The following DYNC2H1 variants were observed in gnomAD, a reference collection of about 807,000 sequenced individuals.
DYNC2H1 encodes the protein cytoplasmic dynein 2 heavy chain 1.
Under a neutral mutation model 570.0 loss-of-function variants are expected in DYNC2H1, and 410 were observed. That is an observed-to-expected ratio of 0.72 (90% confidence interval 0.66 to 0.78). The LOEUF (loss-of-function observed/expected upper bound fraction) is 0.78. Among genes scored for constraint, DYNC2H1 ranks in the 30% least tolerant of loss-of-function variants. The pLI is 0.00. For missense variants in DYNC2H1, 4,865 were observed against 5,046.4 expected, an observed-to-expected ratio of 0.96 and a Z score of 1.09; for synonymous variants, 1,688 against 1,677.6, an observed-to-expected ratio of 1.01 and a Z score of -0.15.
chr11:103,358,918 T>C (rs1469160988), intron 83 of DYNC2H1, among the ~76,000 whole-genome samples: 1 of 152,232 alleles, frequency 6.6e-6, no homozygotes, highest in Non-Finnish European at 1.5e-5. Context: ...TTGACTAAGT[T>C]CACCTCTTAC....
At position 103,163,232 on chromosome 11, in the gene DYNC2H1, G is replaced by T. The variant is rs774802743; in HGVS notation, c.4611+85G>T. 3.5e-6 allele frequency: 5 copies of T among 1,442,048 alleles called. No homozygotes were observed. Among genetic ancestry groups the T allele is most frequent in the Non-Finnish European group, 4.6e-6 (5 of 1,079,354 alleles). The allele number at this position is 1,442,048 out of a possible 1,614,324, so 89.3% of individuals were successfully genotyped here. On this transcript the variant is annotated intron_variant, in intron 30 of 88. Transcript: ENST00000375735. This position sits in a 1 kb window ranked among gnomAD's most constrained non-coding sequence, Gnocchi z 4.6. The stretch of plus-strand genomic sequence containing the variant: ...AGAAGCCAGGAGGCTCAGATAAATC[G>T]CATCTGTTTTCTCCCTTTATCTAAC...
At chr11:103,117,912 T>G in intron 6 of DYNC2H1, 49 bp downstream of exon 6, 1 of 1,434,778 alleles carries the variant, frequency 7.0e-7, no homozygotes, top group Non-Finnish European at 9.4e-7. Context: ...AAAGTGTATC[T>G]TCACTTGTTT....
intron 28 of DYNC2H1, 145 bp downstream of exon 28, chr11:103,159,172 T>C: frequency 1.6e-6 from 1 of 614,784 alleles, no homozygotes; most frequent in Admixed American, 3.3e-5. Flanking sequence ...ATGTACAGTT[T>C]AATGGGAGAG....
chr11:103,181,987 G>A lies in DYNC2H1; in HGVS notation c.6477+101G>A. The A allele has an allele frequency of 7.6e-7, 1 of 1,323,720 alleles. No individual in the cohort carries two copies. Among genetic ancestry groups the A allele is most frequent in the South Asian group, 1.5e-5 (1 of 67,682 alleles). The allele number at this position is 1,323,720 out of a possible 1,614,324, so 82.0% of individuals were successfully genotyped here. ...TGTGGTAGAACTCTGCTGGAATGTGGGTGTGAGGTGAGAGGTGGATTTTGT... is the reference window on the plus strand; with the variant it reads ...TGTGGTAGAACTCTGCTGGAATGTGAGTGTGAGGTGAGAGGTGGATTTTGT... On this transcript the variant is annotated intron_variant, in intron 40 of 88. Coordinates refer to ENST00000375735, the MANE Select transcript of DYNC2H1 (RefSeq NM_001377.3). The surrounding 1 kb of genome is among the most constrained non-coding windows in gnomAD (Gnocchi z 5.0).
intron 56 of DYNC2H1, 31 bp from the exon 57 acceptor site, chr11:103,220,592 T>G: frequency 6.4e-7 from 1 of 1,551,900 alleles, no homozygotes; most frequent in South Asian, 1.3e-5. Context: ...ATATATAATT[T>G]GAAGATAAAA....
chr11:103,387,495 C>A (rs1941938568), intron 83 of DYNC2H1, among the ~76,000 whole-genome samples: 1 of 152,142 alleles, frequency 6.6e-6, no homozygotes, highest in East Asian at 1.9e-4. Context: ...TGCAGAAGCT[C>A]TTTAGTTTAA....
intron 78 of DYNC2H1, 61 bp from the exon 79 acceptor site, chr11:103,311,817 A>C (rs980230354): frequency 2.0e-6 from 3 of 1,474,390 alleles, no homozygotes; most frequent in African/African-American, 1.4e-5. Context: ...AATATGTTAA[A>C]ATCTAATATA....
At chr11:103,345,315 G>T (rs752300199) in intron 82 of DYNC2H1, among the ~76,000 whole-genome samples, 3 of 151,964 alleles carry the variant, frequency 2.0e-5, no homozygotes, top group Non-Finnish European at 4.4e-5. Flanking sequence ...AGTGCCACTA[G>T]GAACGTTTGT....
chr11:103,161,061 C>A lies in DYNC2H1; in HGVS notation c.4491+17C>A. The A allele has an allele frequency of 7.7e-7, 1 of 1,304,348 alleles. No homozygotes were observed. The highest frequency in any genetic ancestry group is 1.6e-5 in the South Asian group (1 of 63,568). The allele number at this position is 1,304,348 out of a possible 1,614,324, so 80.8% of individuals were successfully genotyped here. A position where few individuals can be genotyped will look rare whatever the true frequency, so the allele number is the denominator to read the frequency against. On this transcript the variant is annotated intron_variant, in intron 29 of 88. Transcript: ENST00000375735. ...AATGTAGAGGTAAGCAATTCTTTTT[C>A]AAATATGAAAACAAAAAGAATTAAC...
chr11:103,214,469 G>A (rs927240882), intron 54 of DYNC2H1, among the ~76,000 whole-genome samples: 6 of 125,716 alleles, frequency 4.8e-5, no homozygotes, highest in African/African-American at 1.8e-4. Flanking sequence ...TTTTGAGTAG[G>A]AGTCTTGCTC....
At chr11:103,434,794 G>A (rs141890759) in intron 84 of DYNC2H1, among the ~76,000 whole-genome samples, 47 of 152,152 alleles carry the variant, frequency 3.1e-4, no homozygotes, top group African/African-American at 1.1e-3. Flanking sequence ...GCTGAGAGCT[G>A]GGGGTCTCTG....
intron 65 of DYNC2H1, 122 bp from the exon 66 acceptor site, chr11:103,253,163 T>C (rs1864904842): frequency 3.1e-6 from 3 of 957,210 alleles, no homozygotes; most frequent in African/African-American, 3.3e-5. Flanking sequence ...AACCCAACTT[T>C]TGCCGTCTTA....
chr11:103,219,939 CT>C lies in DYNC2H1; in HGVS notation c.8859del (p.Glu2954LysfsTer3). 6.6e-7 allele frequency: 1 copy of C among 1,519,524 alleles called. No homozygotes were observed. Among genetic ancestry groups the C allele is most frequent in the Non-Finnish European group, 8.8e-7 (1 of 1,141,288 alleles). The allele number at this position is 1,519,524 out of a possible 1,614,324, so 94.1% of individuals were successfully genotyped here. On this transcript the variant is annotated frameshift_variant, in exon 56 of 89. Coordinates refer to ENST00000375735, the MANE Select transcript of DYNC2H1 (RefSeq NM_001377.3). LOFTEE classifies it high-confidence loss of function. ...GGATGCTAGTGAGCAAAAAACAGAACTTGAAAGACTGAAGCACAGAATAGCA... is the reference window on the plus strand; with the variant it reads ...GGATGCTAGTGAGCAAAAAACAGAACTGAAAGACTGAAGCACAGAATAGCA... ...MQDASEQKTE[L>X]ERLKHRIAEE...
At position 103,188,551 on chromosome 11, in the gene DYNC2H1, A is replaced by G. The variant is rs1009879679; in HGVS notation, c.7195A>G (p.Asn2399Asp). ...DENLEWVGLE[N>D]IQIVASMSAG... Reference sequence around the variant, plus strand: ...AAATTTGGAATGGGTTGGTCTAGAAAATATTCAAATTGTGGCTTCTATGTC... The same window carrying G: ...AAATTTGGAATGGGTTGGTCTAGAAGATATTCAAATTGTGGCTTCTATGTC... The change falls in exon 44 of 89, where the codon AAT (asparagine) becomes GAT (aspartate). Residue 2399 changes from asparagine (N) to aspartate (D), a missense_variant. Around this residue, in one of 5 missense-constraint regions of DYNC2H1, gnomAD observed 2,401 missense variants for 2,454.6 expected, o/e 0.98. Transcript: ENST00000375735. The G allele has an allele frequency of 1.2e-6, 2 of 1,610,566 alleles. No homozygotes were observed. The highest frequency in any genetic ancestry group is 1.7e-5 in the Admixed American group (1 of 59,908).
At chr11:103,287,471 T>A (rs1192297275) in intron 74 of DYNC2H1, 62 bp from the exon 75 acceptor site, 1 of 1,251,778 alleles carries the variant, frequency 8.0e-7, no homozygotes, top group East Asian at 2.5e-5. Flanking sequence ...CATTAATTAT[T>A]GTTTAGTTAA....
chr11:103,175,372 A>G (rs906163899), intron 36 of DYNC2H1, among the ~76,000 whole-genome samples: 8 of 152,182 alleles, frequency 5.3e-5, no homozygotes, highest in African/African-American at 1.9e-4. Flanking sequence ...TTATGTTACT[A>G]TTTTTTAATT....
intron 82 of DYNC2H1, among the ~76,000 whole-genome samples, chr11:103,337,172 T>C (rs1177296887): frequency 1.3e-5 from 2 of 152,336 alleles, no homozygotes; most frequent in South Asian, 2.1e-4. Flanking sequence ...AGCCTATCCC[T>C]TTATTTTGGC....
At chr11:103,355,226 T>C (rs1193216833) in intron 82 of DYNC2H1, among the ~76,000 whole-genome samples, 3 of 152,150 alleles carry the variant, frequency 2.0e-5, no homozygotes, top group Non-Finnish European at 4.4e-5. Flanking sequence ...TCCAGAAATC[T>C]AGTCTGCCAT....
rs777396565 is a variant in DYNC2H1 at position 103,170,268 on chromosome 11, T to G, written c.5129T>G (p.Val1710Gly). Reference protein sequence around the residue: ...KALGGLLGRQVLVFNCDEGID... With the variant: ...KALGGLLGRQGLVFNCDEGID... ...TTAGGTGGACTTCTTGGAAGACAAG[T>G]TTTAGTCTTTAATTGTGATGAGGTA... Residue 1710 changes from valine (V) to glycine (G), a missense_variant, in exon 33 of 89, where the codon GTT becomes GGT. This residue lies in a region of DYNC2H1 where 292 missense variants were observed against 300.2 expected (regional missense o/e 0.97). Transcript: ENST00000375735. The surrounding 1 kb of genome is among the most constrained non-coding windows in gnomAD (Gnocchi z 4.8). 1 of 1,599,756 alleles carries G rather than the reference T, an allele frequency of 6.3e-7. No individual in the cohort carries two copies. The highest frequency in any genetic ancestry group is 8.5e-7 in the Non-Finnish European group (1 of 1,173,986).
Sources: allele counts gnomAD v4.1 joint callset (sites outside exome capture counted in the v4.1 genomes callset), GRCh38; gene constraint gnomAD v4.1.1; regional missense constraint gnomAD v4.1.1; non-coding constraint Gnocchi (gnomAD v3.1); transcripts MANE v1.5; gene names NCBI Gene and HGNC (gene_info 2026-07-23, HGNC 2026-07-21).